Variants in KCNH5 observed in about 807,000 individuals in gnomAD.
KCNH5 encodes the protein potassium voltage-gated channel subfamily H member 5.
In KCNH5, 46 loss-of-function variants were observed where a neutral mutation model predicts 96.1. The ratio of observed to expected loss-of-function variants is 0.48; its 90% CI spans 0.38 to 0.61. The LOEUF (loss-of-function observed/expected upper bound fraction) is 0.61. Ranked by LOEUF, KCNH5 falls within the 20% of genes least tolerant of loss-of-function variation. The pLI is 0.00. For synonymous variants in KCNH5, 439 were observed against 449.8 expected, an observed-to-expected ratio of 0.98 and a Z score of 0.30; for missense variants, 907 against 1,225.8, an observed-to-expected ratio of 0.74 and a Z score of 3.88.
In KCNH5 at chr14:62,966,833, C is replaced by T. The variant is rs116874341; in HGVS notation, c.942+14039G>A. 9.4e-3 allele frequency among the ~76,000 whole-genome samples: 1,431 copies of T among 152,266 alleles called. 10 individuals are homozygous for T. The highest frequency in any genetic ancestry group is 0.042 in the East Asian group (216 of 5,184). On this transcript the variant is annotated intron_variant, in intron 6 of 10. Coordinates refer to ENST00000322893, the MANE Select transcript of KCNH5 (RefSeq NM_139318.5). The stretch of plus-strand genomic sequence containing the variant: ...TGAACTTTACCCAGTTCTAATAAAG[C>T]CCACTCCCCTAGCCACTCCCTGTTT...
At chr14:62,885,432 T>A (rs535766601) in intron 7 of KCNH5, among the ~76,000 whole-genome samples, 1 of 152,340 alleles carries the variant, frequency 6.6e-6, no homozygotes, top group African/African-American at 2.4e-5. Context: ...GTTGAAAATA[T>A]TCTTACAGGA....
At chr14:62,763,103 T>C (rs750929050) in intron 10 of KCNH5, among the ~76,000 whole-genome samples, 7 of 152,192 alleles carry the variant, frequency 4.6e-5, no homozygotes, top group African/African-American at 7.2e-5. Context: ...TCTCCTCATC[T>C]GCACATAACA....
intron 10 of KCNH5, among the ~76,000 whole-genome samples, chr14:62,750,366 G>GC (rs769054411): frequency 9.7e-4 from 147 of 152,294 alleles, no homozygotes; most frequent in Middle Eastern, 3.4e-3. Flanking sequence ...TTAACAGTTT[G>GC]CTGTCATTGA....
intron 7 of KCNH5, among the ~76,000 whole-genome samples, chr14:62,860,884 A>G (rs1204632020): frequency 6.6e-6 from 1 of 152,190 alleles, no homozygotes; most frequent in Admixed American, 6.5e-5. Context: ...AACACTCGTC[A>G]CTTCTCCATG....
At chr14:62,714,701 T>C (rs1240052828) in intron 10 of KCNH5, among the ~76,000 whole-genome samples, 1 of 152,242 alleles carries the variant, frequency 6.6e-6, no homozygotes, top group Non-Finnish European at 1.5e-5. Flanking sequence ...GTTCAACTTG[T>C]ATGAATTAAA....
At chr14:62,769,357 G>GAGTT (rs529643024) in intron 10 of KCNH5, among the ~76,000 whole-genome samples, 58 of 152,138 alleles carry the variant, frequency 3.8e-4, no homozygotes, top group Non-Finnish European at 6.0e-4. Context: ...GAGGTAATGA[G>GAGTT]AGTTATATCT....
chr14:62,804,148 C>G (rs1482743666), intron 8 of KCNH5, among the ~76,000 whole-genome samples: 1 of 152,094 alleles, frequency 6.6e-6, no homozygotes, highest in Non-Finnish European at 1.5e-5. Context: ...CTTCTCTTAT[C>G]CTTTCTTAAT....
At chr14:62,996,593 C>A (rs1422778625) in intron 4 of KCNH5, among the ~76,000 whole-genome samples, 1 of 152,150 alleles carries the variant, frequency 6.6e-6, no homozygotes, top group African/African-American at 2.4e-5. Context: ...ACAAAGAATT[C>A]TGTGATTCTG....
At chr14:62,987,264 A>G in intron 4 of KCNH5, 77 bp from the exon 5 acceptor site, 2 of 996,796 alleles carry the variant, frequency 2.0e-6, no homozygotes, top group Admixed American at 3.6e-5. Context: ...AGCATTAAAA[A>G]GATCTCAGCA....
chr14:63,030,971 C>T (rs370660412), intron 1 of KCNH5, among the ~76,000 whole-genome samples: 22 of 152,216 alleles, frequency 1.4e-4, no homozygotes, highest in African/African-American at 4.8e-4. Context: ...GAACCTGGGA[C>T]GCACCCCAGA....
At chr14:62,813,469 T>C (rs553875210) in intron 8 of KCNH5, among the ~76,000 whole-genome samples, 2 of 152,326 alleles carry the variant, frequency 1.3e-5, no homozygotes, top group Non-Finnish European at 2.9e-5. Context: ...AGGCTTCTTC[T>C]TGAGGTCTTT....
At chr14:63,027,764 C>T (rs1033299051) in intron 1 of KCNH5, among the ~76,000 whole-genome samples, 1 of 151,882 alleles carries the variant, frequency 6.6e-6, no homozygotes, top group African/African-American at 2.4e-5. Flanking sequence ...GGAAAAAGGA[C>T]CCCACAGGCT....
intron 7 of KCNH5, among the ~76,000 whole-genome samples, chr14:62,904,839 C>G (rs1034170766): frequency 6.6e-6 from 1 of 152,186 alleles, no homozygotes; most frequent in African/African-American, 2.4e-5. Flanking sequence ...TTATGTCTGA[C>G]TTCTCTAAAC....
chr14:63,045,241 G>A lies in KCNH5; in HGVS notation c.-55C>T. 1 of 1,343,316 alleles carries A rather than the reference G, an allele frequency of 7.4e-7. No homozygotes were observed. The highest frequency in any genetic ancestry group is 1.2e-5 in the South Asian group (1 of 85,710). The allele number at this position is 1,343,316 out of a possible 1,614,324, so 83.2% of individuals were successfully genotyped here. On this transcript the variant is annotated 5_prime_UTR_variant, in exon 1 of 11. Transcript: ENST00000322893. ...CGCGGCGGGGGAGGGGGGGATGCAG[G>A]CAAAGAAGGTGGAGGAAGAGGAGGA...
intron 10 of KCNH5, among the ~76,000 whole-genome samples, chr14:62,734,103 C>T (rs759812952): frequency 6.6e-6 from 1 of 152,180 alleles, no homozygotes; most frequent in Non-Finnish European, 1.5e-5. Context: ...CCATTTCCCT[C>T]TTGGCCAATG....
intron 7 of KCNH5, among the ~76,000 whole-genome samples, chr14:62,897,873 C>A (rs1888846037): frequency 6.6e-6 from 1 of 152,074 alleles, no homozygotes; most frequent in Non-Finnish European, 1.5e-5. Flanking sequence ...GTAATTGAAA[C>A]TTCCGTTAAA....
intron 7 of KCNH5, among the ~76,000 whole-genome samples, chr14:62,899,203 A>G (rs1046427761): frequency 6.6e-6 from 1 of 152,182 alleles, no homozygotes; most frequent in African/African-American, 2.4e-5. Flanking sequence ...GAAAATTTCA[A>G]AAACATTTGT....
chr14:62,752,219 C>T (rs1436943616), intron 10 of KCNH5, among the ~76,000 whole-genome samples: 2 of 152,070 alleles, frequency 1.3e-5, no homozygotes, highest in Non-Finnish European at 2.9e-5. Flanking sequence ...TGCATGGGTC[C>T]TAGCTGTCCC....
chr14:62,751,358 C>A (rs1022353448), intron 10 of KCNH5, among the ~76,000 whole-genome samples: 32 of 152,120 alleles, frequency 2.1e-4, no homozygotes, highest in African/African-American at 7.0e-4. Context: ...AATAAGCACT[C>A]CAGAAGGAGG....
Sources: gnomAD v4.1 joint callset for allele counts (sites outside exome capture counted in the v4.1 genomes callset) on GRCh38, gnomAD v4.1.1 for gene constraint, MANE v1.5 for transcripts, NCBI Gene and HGNC (gene_info 2026-07-23, HGNC 2026-07-21) for gene names.